INPP4B: variants seen among roughly 807,000 people sequenced by gnomAD.
INPP4B encodes the protein inositol polyphosphate 4-phosphatase type II.
Under a neutral mutation model 122.5 loss-of-function variants are expected in INPP4B, and 55 were observed. That is an observed-to-expected ratio of 0.45 (90% CI 0.36 to 0.56). INPP4B has a LOEUF of 0.56. Ranked by LOEUF, INPP4B falls within the 20% of genes least tolerant of loss-of-function variation. The pLI, the probability that INPP4B is intolerant of heterozygous loss-of-function variation, is 0.00. For missense variants in INPP4B, 1,000 were observed against 1,097.7 expected, an observed-to-expected ratio of 0.91 and a Z score of 1.26; for synonymous variants, 403 against 388.7, an observed-to-expected ratio of 1.04 and a Z score of -0.43.
At chr4:142,543,420 G>C (rs1419292078) in intron 2 of INPP4B, among the ~76,000 whole-genome samples, 1 of 152,036 alleles carries the variant, frequency 6.6e-6, no homozygotes, top group African/African-American at 2.4e-5. Context: ...TTCCCCTTTA[G>C]CTTAATAATC....
intron 1 of INPP4B, among the ~76,000 whole-genome samples, chr4:142,759,393 C>G (rs1770963582): frequency 6.6e-6 from 1 of 152,134 alleles, no homozygotes; most frequent in Non-Finnish European, 1.5e-5. Context: ...ACAATTTCGT[C>G]TTCTCTCCAC....
chr4:142,624,175 A>T (rs1444107508), intron 2 of INPP4B, among the ~76,000 whole-genome samples: 1 of 151,954 alleles, frequency 6.6e-6, no homozygotes, highest in African/African-American at 2.4e-5. Context: ...ACTAGTTTAC[A>T]GTCCCACCAA....
At chr4:142,407,949 A>G (rs1022071795) in intron 5 of INPP4B, among the ~76,000 whole-genome samples, 1 of 152,202 alleles carries the variant, frequency 6.6e-6, no homozygotes, top group Non-Finnish European at 1.5e-5. Flanking sequence ...ACATTTACCA[A>G]TATCTGGTGT....
chr4:142,500,269 A>G (rs548410892), intron 2 of INPP4B, among the ~76,000 whole-genome samples: 1 of 152,306 alleles, frequency 6.6e-6, no homozygotes, highest in East Asian at 1.9e-4. Flanking sequence ...GGGTCTCCTG[A>G]ACATCTGTCA....
chr4:142,738,861 A>C (rs1366773156), intron 1 of INPP4B, among the ~76,000 whole-genome samples: 1 of 152,132 alleles, frequency 6.6e-6, no homozygotes, highest in Non-Finnish European at 1.5e-5. Flanking sequence ...ATTTTATACT[A>C]TCTGCTGTAT....
chr4:142,641,968 T>C (rs1750579371), intron 2 of INPP4B, among the ~76,000 whole-genome samples: 1 of 152,228 alleles, frequency 6.6e-6, no homozygotes, highest in Admixed American at 6.5e-5. Flanking sequence ...TTCTAACTGG[T>C]GTGAGATGAT....
intron 25 of INPP4B, among the ~76,000 whole-genome samples, chr4:142,054,720 C>T (rs898610954): frequency 6.6e-6 from 1 of 151,974 alleles, no homozygotes; most frequent in African/African-American, 2.4e-5. Context: ...TGGATAGTCA[C>T]AAAAGATTCC....
intron 2 of INPP4B, among the ~76,000 whole-genome samples, chr4:142,510,935 C>T (rs528252896): frequency 6.6e-6 from 1 of 152,110 alleles, no homozygotes; most frequent in African/African-American, 2.4e-5. Context: ...TTTTTACTTC[C>T]AAATTTTCTA....
chr4:142,227,372 G>T (rs1290272731), intron 12 of INPP4B, among the ~76,000 whole-genome samples: 1 of 152,084 alleles, frequency 6.6e-6, no homozygotes, highest in African/African-American at 2.4e-5. Flanking sequence ...GTGCACACTG[G>T]ATTTAATAAT....
chr4:142,179,505 T>C (rs1305871945), intron 15 of INPP4B, among the ~76,000 whole-genome samples: 1 of 144,562 alleles, frequency 6.9e-6, no homozygotes, highest in Non-Finnish European at 1.5e-5. Flanking sequence ...TTCATGAAAA[T>C]TTTAGAATCA....
At chr4:142,440,769 C>A (rs977019081) in intron 3 of INPP4B, among the ~76,000 whole-genome samples, 1 of 152,092 alleles carries the variant, frequency 6.6e-6, no homozygotes, top group African/African-American at 2.4e-5. Context: ...TTAAGATATG[C>A]ACATGACGTT....
At chr4:142,525,833 G>A (rs1826837215) in intron 2 of INPP4B, among the ~76,000 whole-genome samples, 1 of 149,506 alleles carries the variant, frequency 6.7e-6, no homozygotes, top group African/African-American at 2.5e-5. Flanking sequence ...GCATGGGCAA[G>A]GACTTCATGT....
At chr4:142,155,538 C>T (rs1360628384) in intron 17 of INPP4B, among the ~76,000 whole-genome samples, 1 of 152,126 alleles carries the variant, frequency 6.6e-6, no homozygotes, top group Non-Finnish European at 1.5e-5. Context: ...ATGCTCCTGT[C>T]AAGCTTGGCC....
intron 25 of INPP4B, among the ~76,000 whole-genome samples, chr4:142,079,090 T>G (rs1298886265): frequency 5.3e-5 from 8 of 151,968 alleles, no homozygotes; most frequent in Non-Finnish European, 1.0e-4. Flanking sequence ...GTATAGGACA[T>G]GTTGTTTTAT....
At chr4:142,654,586 C>T (rs973188026) in intron 2 of INPP4B, 4 of 152,184 alleles carry the variant, frequency 2.6e-5, no homozygotes, top group Non-Finnish European at 5.9e-5. Flanking sequence ...TGCTTGATTA[C>T]ATTTTTCTTG....
chr4:142,672,391 G>A (rs116489027), intron 2 of INPP4B, among the ~76,000 whole-genome samples: 1 of 152,004 alleles, frequency 6.6e-6, no homozygotes, highest in Non-Finnish European at 1.5e-5. Context: ...CTAAATCCTT[G>A]CCAGACCTTG....
intron 7 of INPP4B, among the ~76,000 whole-genome samples, chr4:142,363,971 C>T (rs778800514): frequency 1.5e-4 from 23 of 151,760 alleles, no homozygotes; most frequent in African/African-American, 4.1e-4. Context: ...CTTGTTCCAT[C>T]GATTTGGGAA....
At chr4:142,435,598 T>C (rs1003364555) in intron 3 of INPP4B, among the ~76,000 whole-genome samples, 1 of 152,132 alleles carries the variant, frequency 6.6e-6, no homozygotes, top group African/African-American at 2.4e-5. Flanking sequence ...AGTTCTGTCA[T>C]CAGGACTGAT....
intron 12 of INPP4B, among the ~76,000 whole-genome samples, chr4:142,235,500 C>G (rs767647311): frequency 2.0e-5 from 3 of 152,158 alleles, no homozygotes; most frequent in African/African-American, 7.2e-5. Flanking sequence ...CAGCTCACTG[C>G]AAGCTCCGCC....
Sources: allele counts gnomAD v4.1 joint callset (sites outside exome capture counted in the v4.1 genomes callset), GRCh38; gene constraint gnomAD v4.1.1; transcripts MANE v1.5; gene names NCBI Gene and HGNC (gene_info 2026-07-23, HGNC 2026-07-21).